The following MIER2 variants were observed in gnomAD, a reference collection of about 807,000 sequenced individuals.
The protein encoded by MIER2 is MIER family member 2.
A neutral mutation model predicts 67.6 loss-of-function variants in MIER2; 30 were observed. The observed-to-expected ratio is 0.44, with a 90% confidence interval of 0.33 to 0.60. The LOEUF (loss-of-function observed/expected upper bound fraction) is 0.60. Ranked by LOEUF, MIER2 falls within the 20% of genes least tolerant of loss-of-function variation. The probability of loss-of-function intolerance (pLI) is 0.02; values close to 1 mark genes in which losing one functional copy is unlikely to be tolerated. For synonymous variants in MIER2, 372 were observed against 312.6 expected, an observed-to-expected ratio of 1.19 and a Z score of -2.00; for missense variants, 702 against 745.1, an observed-to-expected ratio of 0.94 and a Z score of 0.67.
chr19:327,300 C>T, intron 4 of MIER2, 44 bp from the exon 5 acceptor site: 1 of 1,551,046 alleles, frequency 6.4e-7, no homozygotes, highest in Non-Finnish European at 8.6e-7. Flanking sequence ...TACAGTTTAA[C>T]AATCTCGCAA....
chr19:344,639 C>G (rs1241815595), intron 1 of MIER2, 135 bp downstream of exon 1: 1 of 508,658 alleles, frequency 2.0e-6, no homozygotes, highest in African/African-American at 2.1e-5. Context: ...CCGGACGGGC[C>G]AGGCGCCCCG....
At position 319,055 on chromosome 19, in the gene MIER2, C is replaced by CAAAAA. The variant is rs71171975; in HGVS notation, c.656-5417_656-5413dup. Among the ~76,000 whole-genome samples, 990 of 129,658 alleles carry CAAAAA rather than the reference C, an allele frequency of 7.6e-3. 16 individuals are homozygous for CAAAAA. Among genetic ancestry groups the CAAAAA allele is most frequent in the African/African-American group, 0.027 (925 of 33,640 alleles). 85.1% of individuals were successfully genotyped at this position (129,658 alleles called of 152,430 possible). A position where few individuals can be genotyped will look rare whatever the true frequency, so the allele number is the denominator to read the frequency against. ...CTGGGCCACAGGTGAGACTCTGTCT[C>CAAAAA]AAAAAAAAAAAAAAAATCAGTAAAA... is the stretch of plus-strand genomic sequence containing the variant. On this transcript the variant is annotated intron_variant, in intron 7 of 13. Coordinates refer to ENST00000264819, the MANE Select transcript of MIER2 (RefSeq NM_017550.3).
chr19:328,369 G>A (rs1971863361), intron 3 of MIER2, among the ~76,000 whole-genome samples: 1 of 151,600 alleles, frequency 6.6e-6, no homozygotes, highest in African/African-American at 2.4e-5. Context: ...ATATTAAAGG[G>A]GAAAAAAGTT....
chr19:325,513 C>T lies in MIER2; in HGVS notation c.655+122G>A, dbSNP rs115141239. ...CTCCCACCTCCTCCAGCCACAGGCT[C>T]AGCTGCCCCAGTGAGCGATGCGGGG... On this transcript the variant is annotated intron_variant, in intron 7 of 13. Coordinates refer to ENST00000264819, the MANE Select transcript of MIER2 (RefSeq NM_017550.3). 914 of 1,126,032 alleles carry T rather than the reference C, an allele frequency of 8.1e-4. 6 individuals carry two copies. The African/African-American group carries it at 0.012, about 15-fold the overall frequency. The allele number at this position is 1,126,032 out of a possible 1,614,324, so 69.8% of individuals were successfully genotyped here. A position where few individuals can be genotyped will look rare whatever the true frequency, so the allele number is the denominator to read the frequency against.
chr19:327,703 C>T (rs1032999307), intron 4 of MIER2, among the ~76,000 whole-genome samples, 161 bp downstream of exon 4: 1 of 152,228 alleles, frequency 6.6e-6, no homozygotes, highest in Non-Finnish European at 1.5e-5. Context: ...CAGCCCCATG[C>T]CCATGGCCAT....
At position 315,903 on chromosome 19, in the gene MIER2, T is replaced by A. The variant is rs1376518269; in HGVS notation, c.656-2260A>T. On this transcript the variant is annotated intron_variant, in intron 7 of 13. Coordinates refer to ENST00000264819, the MANE Select transcript of MIER2 (RefSeq NM_017550.3). ...GTGCACAGGCACAGGAGAGCCAAAC[T>A]GGTGAAAAACAAACAAATAAAGGAA... Among the ~76,000 whole-genome samples, 2 of 152,126 alleles carry A rather than the reference T, an allele frequency of 1.3e-5. 1 individual carries two copies. The highest frequency in any genetic ancestry group is 4.1e-4 in the South Asian group (2 of 4,824).
At chr19:321,599 A>G (rs1971506271) in intron 7 of MIER2, among the ~76,000 whole-genome samples, 1 of 152,048 alleles carries the variant, frequency 6.6e-6, no homozygotes, top group South Asian at 2.1e-4. Flanking sequence ...AGCTGAGATT[A>G]TGCCACTGCA....
chr19:307,693 C>G (rs974465279), intron 12 of MIER2, among the ~76,000 whole-genome samples, 157 bp from the exon 13 acceptor site: 2 of 152,200 alleles, frequency 1.3e-5, no homozygotes, highest in South Asian at 2.1e-4. Flanking sequence ...CTGAAATCCG[C>G]GAGCCCCAGG....
intron 8 of MIER2, 106 bp from the exon 9 acceptor site, chr19:312,378 C>G (rs1971058981): frequency 4.6e-6 from 5 of 1,089,350 alleles, no homozygotes; most frequent in Non-Finnish European, 6.8e-6. Context: ...CCACACCACC[C>G]TCCTGGGCGA....
chr19:306,746 G>C (rs1378877901), intron 13 of MIER2, 35 bp from the exon 14 acceptor site: 1 of 1,555,036 alleles, frequency 6.4e-7, no homozygotes, highest in East Asian at 2.4e-5. Flanking sequence ...CGCAGAGAGT[G>C]TCAGTGCGGC....
At chr19:344,743 G>T (rs565781446) in intron 1 of MIER2, 31 bp downstream of exon 1, 4 of 1,163,216 alleles carry the variant, frequency 3.4e-6, no homozygotes, top group Non-Finnish European at 3.2e-6. Context: ...CGCGGGGGCG[G>T]GGGGCCGGCT....
intron 7 of MIER2, among the ~76,000 whole-genome samples, chr19:322,831 C>A (rs949439298): frequency 1.3e-5 from 2 of 152,230 alleles, no homozygotes; most frequent in African/African-American, 4.8e-5. Flanking sequence ...AGGGCATTCA[C>A]AGCCCACAGC....
chr19:311,735 A>G, intron 10 of MIER2, 110 bp downstream of exon 10: 1 of 1,020,100 alleles, frequency 9.8e-7, no homozygotes, highest in South Asian at 1.5e-5. Flanking sequence ...AGGCGGACAC[A>G]GGACACGGGG....
intron 1 of MIER2, among the ~76,000 whole-genome samples, chr19:337,946 G>A (rs759304357): frequency 1.3e-4 from 19 of 150,664 alleles, no homozygotes; most frequent in Admixed American, 6.6e-4. Context: ...GGCCGAGGTG[G>A]GCAGATCACG....
chr19:314,900 T>TC (rs1440681295), intron 7 of MIER2, among the ~76,000 whole-genome samples: 1 of 151,396 alleles, frequency 6.6e-6, no homozygotes, highest in Non-Finnish European at 1.5e-5. Flanking sequence ...ACTCGCACAC[T>TC]CCATCTCTAC....
At position 308,543 on chromosome 19, in the gene MIER2, G is replaced by A. The variant is rs375199644; in HGVS notation, c.1198+34C>T. On this transcript the variant is annotated intron_variant, in intron 12 of 13. Coordinates refer to ENST00000264819, the MANE Select transcript of MIER2 (RefSeq NM_017550.3). The surrounding 1 kb of genome is among the most constrained non-coding windows in gnomAD (Gnocchi z 9.1). ...CACTCACGGCTCCAGACCCGTGGCC[G>A]CCCCCAGGGCAGGAGATACTCCCCA... is the stretch of plus-strand genomic sequence containing the variant. 6.1e-5 allele frequency: 94 copies of A among 1,552,272 alleles called. No homozygotes were observed. Among genetic ancestry groups the A allele is most frequent in the African/African-American group, 1.2e-4 (9 of 73,884 alleles).
intron 3 of MIER2, among the ~76,000 whole-genome samples, chr19:328,985 G>C (rs1292693690): frequency 6.6e-6 from 1 of 152,152 alleles, no homozygotes; most frequent in East Asian, 1.9e-4. Flanking sequence ...TCAACATCAT[G>C]CTCTCCAGTG....
rs1236786675 is a variant in MIER2 at position 308,279 on chromosome 19, G to A, written c.1198+298C>T. ...ACCCTGGGGCAGGAAGGCCCTCCCC[G>A]GAGACTGAGGCCTGGTAAATACCCC... On this transcript the variant is annotated intron_variant, in intron 12 of 13. Transcript: ENST00000264819. The surrounding 1 kb of genome is among the most constrained non-coding windows in gnomAD (Gnocchi z 9.1). 1.3e-5 allele frequency among the ~76,000 whole-genome samples: 2 copies of A among 152,158 alleles called. No homozygotes were observed. The highest frequency in any genetic ancestry group is 2.9e-5 in the Non-Finnish European group (2 of 68,012).
intron 4 of MIER2, 82 bp downstream of exon 4, chr19:327,782 G>A (rs774650118): frequency 8.2e-5 from 128 of 1,562,440 alleles, no homozygotes; most frequent in Non-Finnish European, 1.1e-4. Context: ...TCCTCTCACT[G>A]AACACTCCCC....
Sources: gnomAD v4.1 joint callset for allele counts (sites outside exome capture counted in the v4.1 genomes callset) on GRCh38, gnomAD v4.1.1 for gene constraint, Gnocchi (gnomAD v3.1) non-coding constraint, MANE v1.5 for transcripts, NCBI Gene and HGNC (gene_info 2026-07-23, HGNC 2026-07-21) for gene names.